Variants in CRYBG3 observed in about 807,000 individuals in gnomAD.
CRYBG3 encodes the protein crystallin beta-gamma domain containing 3, also known as very large A-kinase anchor protein.
Under a neutral mutation model 244.2 loss-of-function variants are expected in CRYBG3, and 127 were observed. The observed-to-expected ratio is 0.52, with a 90% CI of 0.45 to 0.60. CRYBG3 has a LOEUF of 0.60. Ranked by LOEUF, CRYBG3 falls within the 20% of genes least tolerant of loss-of-function variation. The pLI is 0.00. For synonymous variants in CRYBG3, 1,132 were observed against 1,195.8 expected, an observed-to-expected ratio of 0.95 and a Z score of 1.10; for missense variants, 3,325 against 3,442.5, an observed-to-expected ratio of 0.97 and a Z score of 0.85.
chr3:97,833,659 T>C (rs374871978), intron 1 of CRYBG3, among the ~76,000 whole-genome samples: 2 of 152,222 alleles, frequency 1.3e-5, no homozygotes, highest in Middle Eastern at 3.4e-3. Context: ...ATGGCACGTG[T>C]ACACCTATGT....
Position 97,880,037 on chromosome 3 carries a change from A to G in CRYBG3, c.6941A>G (p.Asn2314Ser), listed in dbSNP as rs772634791. 1 of 1,604,346 alleles carries G rather than the reference A, an allele frequency of 6.2e-7. No individual in the cohort carries two copies. Among genetic ancestry groups the G allele is most frequent in the South Asian group, 1.1e-5 (1 of 89,776 alleles). Residue 2314 changes from asparagine (N) to serine (S), a missense_variant, in exon 6 of 22, where the codon AAT (asparagine) becomes AGT (serine). This residue lies in a region of CRYBG3 where 714 missense variants were observed against 803.6 expected (regional missense o/e 0.89). Transcript: ENST00000389622. The stretch of plus-strand genomic sequence containing the variant: ...ACATATAAACAAGAAGTCTACTGTA[A>G]TATTCCTGATGCTACATCATGGTCT... ...ESTYKQEVYC[N>S]IPDATSWSFP... is the part of the protein sequence containing the mutation.
chr3:97,850,045 C>A (rs2038962095), intron 2 of CRYBG3, among the ~76,000 whole-genome samples: 1 of 152,074 alleles, frequency 6.6e-6, no homozygotes. Context: ...ATTTCACGGA[C>A]CTCTCCTCTC....
Position 97,906,558 on chromosome 3 carries a change from G to C in CRYBG3, c.8005-5609G>C, listed in dbSNP as rs2039777360. Among the ~76,000 whole-genome samples, 6 of 143,760 alleles carry C rather than the reference G, an allele frequency of 4.2e-5. No homozygotes were observed. In the South Asian group the frequency reaches 1.5e-3, roughly 35 times the overall value. 94.3% of individuals were successfully genotyped at this position (143,760 alleles called of 152,430 possible). The stretch of plus-strand genomic sequence containing the variant: ...TTGGTTCTCTGTTTGTCTGTTGTTG[G>C]TGTATAAGAATGCTTGTGATTTTTG... On this transcript the variant is annotated intron_variant, in intron 15 of 21. Coordinates refer to ENST00000389622, the MANE Select transcript of CRYBG3 (RefSeq NM_153605.4).
At chr3:97,881,870 T>A (rs2039453024) in intron 7 of CRYBG3, among the ~76,000 whole-genome samples, 1 of 152,058 alleles carries the variant, frequency 6.6e-6, no homozygotes, top group African/African-American at 2.4e-5. Context: ...TACTACTATA[T>A]TAGTATGCTA....
rs540072167 is a variant in CRYBG3 at position 97,851,005 on chromosome 3, C to T, written c.216+7744C>T. ...AAATTAGTTGGGCATGATGGGCGTG[C>T]GCCTGTAATCCCATTTACTTGGGAG... On this transcript the variant is annotated intron_variant, in intron 2 of 21. Coordinates refer to ENST00000389622, the MANE Select transcript of CRYBG3 (RefSeq NM_153605.4). Among the ~76,000 whole-genome samples the T allele has an allele frequency of 1.3e-4, 19 of 151,866 alleles. 1 individual carries two copies. Among genetic ancestry groups the T allele is most frequent in the African/African-American group, 4.3e-4 (18 of 41,428 alleles).
Position 97,874,963 on chromosome 3 carries a change from C to A in CRYBG3, c.3769C>A (p.Gln1257Lys). The A allele has an allele frequency of 1.3e-6, 2 of 1,535,892 alleles. No individual in the cohort carries two copies. The highest frequency in any genetic ancestry group is 1.7e-6 in the Non-Finnish European group (2 of 1,146,818). ...NPSEVTLTEIQQTEGLEEQGM... is the reference protein window; with the variant it reads ...NPSEVTLTEIKQTEGLEEQGM... ...ATCAGAAGTGACACTAACAGAAATA[C>A]AACAGACAGAGGGTTTGGAAGAGCA... is the stretch of plus-strand genomic sequence containing the variant. The change falls in exon 4 of 22, where the codon CAA (glutamine) becomes AAA (lysine). Residue 1257 changes from glutamine (Q) to lysine (K), a missense_variant. This residue lies in a region of CRYBG3 where 635 missense variants were observed against 771.7 expected (regional missense o/e 0.82). Transcript: ENST00000389622.
At position 97,910,621 on chromosome 3, in the gene CRYBG3, C is replaced by G. The variant is rs831885; in HGVS notation, c.8005-1546C>G. On this transcript the variant is annotated intron_variant, in intron 15 of 21. Transcript: ENST00000389622. ...CCTGCTTCGGTTCGCGCACGGTGCACGCACCCATGACCTGGGCCCACTGTC... is the reference window on the plus strand; with the variant it reads ...CCTGCTTCGGTTCGCGCACGGTGCAGGCACCCATGACCTGGGCCCACTGTC... Among the ~76,000 whole-genome samples the G allele has an allele frequency of 8.9e-3, 1,358 of 152,304 alleles. 17 individuals carry two copies. Among genetic ancestry groups the G allele is most frequent in the African/African-American group, 0.026 (1,074 of 41,574 alleles).
At position 97,880,014 on chromosome 3, in the gene CRYBG3, A is replaced by G. The variant is rs1407986557; in HGVS notation, c.6918A>G (p.Thr2306=). ...KMVIYDLHES[T]YKQEVYCNIP... is the part of the protein sequence containing the mutation. Reference sequence around the variant, plus strand: ...TTATCTATGATCTCCATGAAAGTACATATAAACAAGAAGTCTACTGTAATA... The same window carrying G: ...TTATCTATGATCTCCATGAAAGTACGTATAAACAAGAAGTCTACTGTAATA... Residue 2306 remains threonine, a synonymous_variant, in exon 6 of 22, where the codon ACA becomes ACG. Coordinates refer to ENST00000389622, the MANE Select transcript of CRYBG3 (RefSeq NM_153605.4). The G allele has an allele frequency of 6.3e-7, 1 of 1,586,936 alleles. No homozygotes were observed.
intron 2 of CRYBG3, among the ~76,000 whole-genome samples, chr3:97,848,376 A>G (rs1280773047): frequency 7.2e-5 from 11 of 152,122 alleles, no homozygotes; most frequent in Admixed American, 7.2e-4. Flanking sequence ...ATCTCGGCTC[A>G]CTGAAACCTT....
chr3:97,901,167 C>CA (rs969788133), intron 15 of CRYBG3, among the ~76,000 whole-genome samples: 5 of 152,158 alleles, frequency 3.3e-5, no homozygotes, highest in Non-Finnish European at 7.4e-5. Flanking sequence ...CCGCACTTGA[C>CA]AAAACCACAT....
intron 19 of CRYBG3, among the ~76,000 whole-genome samples, chr3:97,940,550 T>G (rs1395627730): frequency 6.6e-6 from 1 of 152,002 alleles, no homozygotes; most frequent in East Asian, 1.9e-4. Flanking sequence ...TCTTAAAACT[T>G]CCAGGCCAAG....
chr3:97,910,283 G>A (rs1268352713), intron 15 of CRYBG3, among the ~76,000 whole-genome samples: 1 of 152,106 alleles, frequency 6.6e-6, no homozygotes, highest in Non-Finnish European at 1.5e-5. Flanking sequence ...CACCCAGTTC[G>A]AGCTTCCTGG....
intron 4 of CRYBG3, 103 bp from the exon 5 acceptor site, chr3:97,879,601 A>G: frequency 1.3e-6 from 1 of 749,046 alleles, no homozygotes; most frequent in South Asian, 2.0e-5. Context: ...ATGATCACTA[A>G]CTAAATATGT....
In CRYBG3 at chr3:97,877,377, A is replaced by G. The variant is rs1376169944; in HGVS notation, c.6183A>G (p.Thr2061=). 1 of 1,614,154 alleles carries G rather than the reference A, an allele frequency of 6.2e-7. No homozygotes were observed. Among genetic ancestry groups the G allele is most frequent in the Non-Finnish European group, 8.5e-7 (1 of 1,180,000 alleles). Residue 2061 remains threonine (T), a synonymous_variant, in exon 4 of 22, where the codon ACA becomes ACG. Coordinates refer to ENST00000389622, the MANE Select transcript of CRYBG3 (RefSeq NM_153605.4). The part of the protein sequence containing the change: ...HFEKGTKLGE[T]FDSDSSEMFL... ...AAAAAGGTACTAAATTAGGTGAGAC[A>G]TTTGATAGTGATAGTTCAGAAATGT...
intron 7 of CRYBG3, among the ~76,000 whole-genome samples, chr3:97,881,889 A>T (rs1413975326): frequency 6.6e-6 from 1 of 151,838 alleles, no homozygotes; most frequent in Non-Finnish European, 1.5e-5. Context: ...TACTGCTCCT[A>T]CTGTAATACT....
At chr3:97,900,359 G>T (rs1251314269) in intron 14 of CRYBG3, 94 bp from the exon 15 acceptor site, 1 of 787,112 alleles carries the variant, frequency 1.3e-6, no homozygotes, top group Non-Finnish European at 2.1e-6. Flanking sequence ...AAAAAGAAAA[G>T]AAAAAAAAAT....
chr3:97,896,646 C>T lies in CRYBG3; in HGVS notation c.7701+561C>T, dbSNP rs544358663. Among the ~76,000 whole-genome samples, 32 of 152,240 alleles carry T rather than the reference C, an allele frequency of 2.1e-4. No homozygotes were observed. The South Asian group carries it at 2.7e-3, about 13-fold the overall frequency. ...AATGTGTAAAGTCAAGGTTATAACC[C>T]ATTGATTCTCAGCTGGGGGTGATTT... On this transcript the variant is annotated intron_variant, in intron 12 of 21. Coordinates refer to ENST00000389622, the MANE Select transcript of CRYBG3 (RefSeq NM_153605.4).
At chr3:97,896,804 C>G (rs1040965879) in intron 12 of CRYBG3, among the ~76,000 whole-genome samples, 1 of 152,054 alleles carries the variant, frequency 6.6e-6, no homozygotes, top group Non-Finnish European at 1.5e-5. Flanking sequence ...GGACAGCCCC[C>G]AACAACAAAG....
chr3:97,862,958 T>G (rs1008671561), intron 2 of CRYBG3, among the ~76,000 whole-genome samples: 1 of 152,168 alleles, frequency 6.6e-6, no homozygotes, highest in African/African-American at 2.4e-5. Context: ...TCTCAACCTT[T>G]CATATGCTAA....
Sources: allele counts gnomAD v4.1 joint callset (sites outside exome capture counted in the v4.1 genomes callset), GRCh38; gene constraint gnomAD v4.1.1; regional missense constraint gnomAD v4.1.1; transcripts MANE v1.5; gene names NCBI Gene and HGNC (gene_info 2026-07-23, HGNC 2026-07-21).